Variants in SYNE1 observed in about 807,000 individuals in gnomAD.
SYNE1 encodes the protein nesprin-1.
A neutral mutation model predicts 1,111.0 loss-of-function variants in SYNE1; 616 were observed. That is an observed-to-expected ratio of 0.55 (90% CI 0.52 to 0.59). The LOEUF is 0.59. Ranked by LOEUF, SYNE1 falls within the 20% of genes least tolerant of loss-of-function variation. The probability of loss-of-function intolerance (pLI) is 0.00; values close to 1 mark genes in which losing one functional copy is unlikely to be tolerated. For synonymous variants in SYNE1, 3,855 were observed against 3,825.8 expected, an observed-to-expected ratio of 1.01 and a Z score of -0.28; for missense variants, 10,006 against 10,417.0, an observed-to-expected ratio of 0.96 and a Z score of 1.72.
chr6:152,629,537 G>C (rs2099693835), intron 2 of SYNE1, among the ~76,000 whole-genome samples: 1 of 49,188 alleles, frequency 2.0e-5, no homozygotes, highest in Non-Finnish European at 4.2e-5. Context: ...GGGGGGGGGG[G>C]AGGGGGAGGG....
chr6:152,612,728 A>C (rs1727033), intron 3 of SYNE1, among the ~76,000 whole-genome samples: 110,119 of 151,790 alleles, frequency 0.73, 40,105 homozygotes, highest in East Asian at 0.81. Flanking sequence ...CCATGATGAA[A>C]ATCGATGTGA....
chr6:152,310,655 T>C, intron 88 of SYNE1, 33 bp downstream of exon 88: 2 of 1,610,522 alleles, frequency 1.2e-6, no homozygotes, highest in Non-Finnish European at 1.7e-6. Context: ...TGATAGACAT[T>C]TTTTTCTGTT....
intron 61 of SYNE1, 94 bp from the exon 62 acceptor site, chr6:152,367,476 G>A (rs1261069520): frequency 1.4e-6 from 2 of 1,394,862 alleles, no homozygotes; most frequent in African/African-American, 2.8e-5. Context: ...ATCAGTCATG[G>A]CTTCATACGC....
intron 63 of SYNE1, among the ~76,000 whole-genome samples, chr6:152,363,546 AAAAT>A (rs1175581413): frequency 2.7e-5 from 4 of 150,058 alleles, no homozygotes; most frequent in Admixed American, 6.6e-5. Flanking sequence ...AATAAATATA[AAAAT>A]AAATAAATTC....
intron 117 of SYNE1, among the ~76,000 whole-genome samples, chr6:152,221,925 C>T (rs1418759469): frequency 6.6e-6 from 1 of 152,170 alleles, no homozygotes; most frequent in Non-Finnish European, 1.5e-5. Context: ...TCAGAGGCCT[C>T]ACCTCCTTGT....
At chr6:152,453,851 A>G in intron 24 of SYNE1, 131 bp from the exon 25 acceptor site, 1 of 1,115,956 alleles carries the variant, frequency 9.0e-7, no homozygotes, top group Non-Finnish European at 1.3e-6. Flanking sequence ...CCAGGCACCC[A>G]CTATTGTTTT....
intron 145 of SYNE1, chr6:152,125,515 C>T (rs2053088508): frequency 1.0e-5 from 10 of 985,620 alleles, no homozygotes; most frequent in Non-Finnish European, 1.4e-5. Context: ...CTTAAAGTGT[C>T]TTAAGAAGGA....
At chr6:152,506,837 A>G (rs948926076) in intron 8 of SYNE1, among the ~76,000 whole-genome samples, 1 of 152,148 alleles carries the variant, frequency 6.6e-6, no homozygotes, top group Non-Finnish European at 1.5e-5. Flanking sequence ...TCGGCCCCCC[A>G]AAGTGCTGGG....
intron 14 of SYNE1, chr6:152,472,777 A>G (rs1228935262): frequency 1.6e-6 from 1 of 622,148 alleles, no homozygotes; most frequent in Admixed American, 2.7e-5. Flanking sequence ...TAAAAGCTTA[A>G]AACTGAGCAT....
rs9479298 is a variant in SYNE1, at chr6:152,337,056, T to C, written c.12352-39A>G. 0.75 allele frequency: 1,198,481 copies of C among 1,592,616 alleles called. 453,734 individuals carry two copies. Among genetic ancestry groups the C allele is most frequent in the African/African-American group, 0.92 (68,841 of 74,812 alleles). On this transcript the variant is annotated intron_variant, in intron 75 of 145. Coordinates refer to ENST00000367255, the MANE Select transcript of SYNE1 (RefSeq NM_182961.4). ...AGAGATAAAAGTTAGCAACCATACA[T>C]GGAAACATTTATGGTTAATGAATCA...
chr6:152,394,632 T>G (rs370791231), intron 51 of SYNE1, among the ~76,000 whole-genome samples: 3 of 151,940 alleles, frequency 2.0e-5, no homozygotes, highest in South Asian at 2.1e-4. Flanking sequence ...AATACTGTAG[T>G]TGGGAACAGG....
At chr6:152,538,522 A>T (rs551399938) in intron 4 of SYNE1, among the ~76,000 whole-genome samples, 7 of 152,092 alleles carry the variant, frequency 4.6e-5, no homozygotes, top group Admixed American at 4.6e-4. Flanking sequence ...ATGTGATATA[A>T]GATTACTTTT....
chr6:152,154,892 C>T lies in SYNE1; in HGVS notation c.24129G>A (p.Glu8043=). 6.2e-7 allele frequency: 1 copy of T among 1,614,004 alleles called. No individual in the cohort carries two copies. Among genetic ancestry groups the T allele is most frequent in the South Asian group, 1.1e-5 (1 of 91,070 alleles). ...TTAAAAATTTGGAATTATAGATTAC[C>T]TCAAATTTCTTTAGTTCTTCCTTGG... The part of the protein sequence containing the change: ...TVAKEELKKF[E]AFQRQVHECL... Residue 8043 remains glutamate (E), a splice_region_variant and synonymous_variant, in exon 133 of 146, where the codon GAG becomes GAA. Coordinates refer to ENST00000367255, the MANE Select transcript of SYNE1 (RefSeq NM_182961.4).
intron 91 of SYNE1, among the ~76,000 whole-genome samples, chr6:152,307,053 T>C (rs2095404001): frequency 6.6e-6 from 1 of 152,164 alleles, no homozygotes; most frequent in Admixed American, 6.5e-5. Flanking sequence ...AAATTTTGGA[T>C]CTTCCTAGAT....
At chr6:152,186,062 A>G (rs1190221031) in intron 128 of SYNE1, among the ~76,000 whole-genome samples, 1 of 152,214 alleles carries the variant, frequency 6.6e-6, no homozygotes, top group Non-Finnish European at 1.5e-5. Flanking sequence ...TGAAGATGCA[A>G]AGAAATGGTC....
chr6:152,359,164 G>T, intron 65 of SYNE1, 151 bp downstream of exon 65: 1 of 1,080,594 alleles, frequency 9.3e-7, no homozygotes, highest in Non-Finnish European at 1.4e-6. Flanking sequence ...TTTTGATTTT[G>T]CCAGTAATTC....
At chr6:152,559,038 G>A (rs991407922) in intron 3 of SYNE1, among the ~76,000 whole-genome samples, 2 of 95,798 alleles carry the variant, frequency 2.1e-5, no homozygotes, top group Admixed American at 1.2e-4. Flanking sequence ...AGAGAGGGTC[G>A]CATCTGTTGC....
chr6:152,296,900 C>T (rs1268674869), intron 93 of SYNE1, among the ~76,000 whole-genome samples: 1 of 151,338 alleles, frequency 6.6e-6, no homozygotes, highest in African/African-American at 2.5e-5. Flanking sequence ...TGGCCTGTTT[C>T]TCTCATTTTT....
At chr6:152,150,887 C>G (rs897539458) in intron 135 of SYNE1, among the ~76,000 whole-genome samples, 1 of 152,012 alleles carries the variant, frequency 6.6e-6, no homozygotes, top group African/African-American at 2.4e-5. Context: ...TGTGAAGGTG[C>G]TACAAACACA....
Sources: allele counts gnomAD v4.1 joint callset (sites outside exome capture counted in the v4.1 genomes callset), GRCh38; gene constraint gnomAD v4.1.1; transcripts MANE v1.5; gene names NCBI Gene and HGNC (gene_info 2026-07-23, HGNC 2026-07-21).